The following EDEM3 variants were observed in gnomAD, a reference collection of about 807,000 sequenced individuals.
EDEM3 encodes the protein ER degradation-enhancing alpha-mannosidase-like protein 3.
Under a neutral mutation model 110.2 loss-of-function variants are expected in EDEM3, and 60 were observed. That is an observed-to-expected ratio of 0.54 (90% CI 0.44 to 0.67). The LOEUF is 0.67. EDEM3 is among the 30% of genes least tolerant of loss of function. The probability of loss-of-function intolerance (pLI) is 0.00; values close to 1 mark genes in which losing one functional copy is unlikely to be tolerated. For missense variants in EDEM3, 996 were observed against 1,121.0 expected, an observed-to-expected ratio of 0.89 and a Z score of 1.59; for synonymous variants, 352 against 382.9, an observed-to-expected ratio of 0.92 and a Z score of 0.94.
intron 2 of EDEM3, among the ~76,000 whole-genome samples, chr1:184,744,564 G>A (rs1168469042): frequency 6.6e-6 from 1 of 151,726 alleles, no homozygotes; most frequent in Non-Finnish European, 1.5e-5. Flanking sequence ...ATTCCTAGGT[G>A]GGAAATATAT....
chr1:184,698,907 T>C (rs1238281215), intron 19 of EDEM3, among the ~76,000 whole-genome samples: 2 of 151,726 alleles, frequency 1.3e-5, no homozygotes, highest in Non-Finnish European at 3.0e-5. Flanking sequence ...ATCAGGAAAG[T>C]AAAAATGGCA....
chr1:184,712,789 A>C (rs1650327086), intron 13 of EDEM3, among the ~76,000 whole-genome samples, 191 bp from the exon 14 acceptor site: 1 of 152,314 alleles, frequency 6.6e-6, no homozygotes, highest in South Asian at 2.1e-4. Flanking sequence ...AATGAAAAAG[A>C]CCAGAGGAGT....
Position 184,693,875 on chromosome 1 carries a change from T to G in EDEM3, c.*188A>C. 1.6e-6 allele frequency: 1 copy of G among 607,290 alleles called. No individual in the cohort carries two copies. Among genetic ancestry groups the G allele is most frequent in the Non-Finnish European group, 2.7e-6 (1 of 364,478 alleles). The allele number at this position is 607,290 out of a possible 1,614,324, so 37.6% of individuals were successfully genotyped here. A position where few individuals can be genotyped will look rare whatever the true frequency, so the allele number is the denominator to read the frequency against. On this transcript the variant is annotated 3_prime_UTR_variant, in exon 20 of 20. Transcript: ENST00000318130. ...GGATTTCCATTTTTGATGGGACAGT[T>G]TTAAACAAGGTCAATTCTAACACAG...
chr1:184,734,860 C>T lies in EDEM3; in HGVS notation c.346-217G>A, dbSNP rs115623283. 2.9e-3 allele frequency among the ~76,000 whole-genome samples: 436 copies of T among 152,104 alleles called. 5 individuals carry two copies. The East Asian group carries it at 0.036, about 12-fold the overall frequency. On this transcript the variant is annotated intron_variant, in intron 4 of 19. Transcript: ENST00000318130. The stretch of plus-strand genomic sequence containing the variant: ...TCTTTATACACTTCTTTGCATACAC[C>T]GAAATATTATGAGGACTTTGAAGCT...
chr1:184,697,410 G>C (rs1649389028), intron 19 of EDEM3, among the ~76,000 whole-genome samples: 1 of 151,832 alleles, frequency 6.6e-6, no homozygotes, highest in Non-Finnish European at 1.5e-5. Flanking sequence ...ATATGTCAAA[G>C]AGAAGCCAAG....
At chr1:184,734,074 C>T (rs1462972746) in intron 5 of EDEM3, among the ~76,000 whole-genome samples, 1 of 152,226 alleles carries the variant, frequency 6.6e-6, no homozygotes, top group East Asian at 1.9e-4. Flanking sequence ...ATGCCACAGA[C>T]TCTGTGTTTC....
At chr1:184,753,747 C>T (rs571464189) in intron 1 of EDEM3, among the ~76,000 whole-genome samples, 19 of 152,304 alleles carry the variant, frequency 1.2e-4, no homozygotes, top group Admixed American at 3.3e-4. Context: ...TTATTTACCA[C>T]TTCCATTTCC....
At position 184,739,193 on chromosome 1, in the gene EDEM3, C is replaced by T. The variant is rs1380983327; in HGVS notation, c.205-1482G>A. Among the ~76,000 whole-genome samples the T allele has an allele frequency of 1.5e-4, 23 of 150,502 alleles. 1 individual carries two copies. The South Asian group carries it at 4.6e-3, about 30-fold the overall frequency. On this transcript the variant is annotated intron_variant, in intron 2 of 19. Coordinates refer to ENST00000318130, the MANE Select transcript of EDEM3 (RefSeq NM_025191.4). ...ATTCTACAGATCTATTTGCCTATTC[C>T]TACTCCAAAACCATTATTTTAATTA...
chr1:184,716,639 A>C (rs939486935), intron 13 of EDEM3, among the ~76,000 whole-genome samples: 1 of 152,194 alleles, frequency 6.6e-6, no homozygotes, highest in African/African-American at 2.4e-5. Context: ...CTGATATTTA[A>C]CAATCATCGA....
chr1:184,706,811 G>A lies in EDEM3; in HGVS notation c.2038-3C>T. On this transcript the variant is annotated splice_polypyrimidine_tract_variant and splice_region_variant and intron_variant, in intron 17 of 19. Coordinates refer to ENST00000318130, the MANE Select transcript of EDEM3 (RefSeq NM_025191.4). ...CTGCTTGCAACAAATCCTCTTGTCT[G>A]TCAGAAATAAAAGCAACTTAAATAC... The A allele has an allele frequency of 1.2e-6, 2 of 1,612,062 alleles. No individual in the cohort carries two copies. Among genetic ancestry groups the A allele is most frequent in the Non-Finnish European group, 1.7e-6 (2 of 1,179,004 alleles).
chr1:184,734,195 G>A (rs1030235031), intron 5 of EDEM3, among the ~76,000 whole-genome samples: 2 of 145,426 alleles, frequency 1.4e-5, no homozygotes, highest in South Asian at 2.4e-4. Flanking sequence ...TAGACTGGGC[G>A]TGGTGGCTCA....
intron 2 of EDEM3, 147 bp from the exon 3 acceptor site, chr1:184,737,858 T>C: frequency 1.5e-6 from 1 of 678,324 alleles, no homozygotes; most frequent in East Asian, 2.9e-5. Flanking sequence ...TCAAAAATCT[T>C]TAATTACAAA....
chr1:184,754,679 C>T lies in EDEM3; in HGVS notation c.-33G>A. On this transcript the variant is annotated 5_prime_UTR_variant, in exon 1 of 20. Coordinates refer to ENST00000318130, the MANE Select transcript of EDEM3 (RefSeq NM_025191.4). ...CGGTTCCGCGCACGCGCAGCTGCTACGCCCGGCCGGTGAGACACATTGCTG... is the reference window on the plus strand; with the variant it reads ...CGGTTCCGCGCACGCGCAGCTGCTATGCCCGGCCGGTGAGACACATTGCTG... 1 of 1,507,796 alleles carries T rather than the reference C, an allele frequency of 6.6e-7. No homozygotes were observed. Among genetic ancestry groups the T allele is most frequent in the Non-Finnish European group, 8.8e-7 (1 of 1,130,202 alleles). 93.4% of individuals were successfully genotyped at this position (1,507,796 alleles called of 1,614,324 possible).
At chr1:184,707,976 C>T (rs1030304140) in intron 17 of EDEM3, among the ~76,000 whole-genome samples, 177 bp downstream of exon 17, 1 of 152,098 alleles carries the variant, frequency 6.6e-6, no homozygotes, top group Non-Finnish European at 1.5e-5. Context: ...ATATTATATA[C>T]ATAAATTATG....
At chr1:184,753,661 G>A (rs1045228790) in intron 1 of EDEM3, among the ~76,000 whole-genome samples, 6 of 151,936 alleles carry the variant, frequency 3.9e-5, no homozygotes, top group Non-Finnish European at 7.4e-5. Flanking sequence ...TTACTAATCT[G>A]ATGGGCAAAA....
rs765123596 is a variant in EDEM3 at position 184,694,307 on chromosome 1, A to G, written c.2555T>C (p.Met852Thr). The G allele has an allele frequency of 5.6e-6, 9 of 1,613,172 alleles. No individual in the cohort carries two copies. The highest frequency in any genetic ancestry group is 5.0e-5 in the Admixed American group (3 of 59,854). ...AGGGGAAATGCTTGCAGCATTGTCCATATCTGCTAGAGATAATGATTCTGG... is the reference window on the plus strand; with the variant it reads ...AGGGGAAATGCTTGCAGCATTGTCCGTATCTGCTAGAGATAATGATTCTGG... The part of the protein sequence containing the change: ...SHPESLSLAD[M>T]DNAASISPSE... Residue 852 changes from methionine to threonine, a missense_variant, in exon 20 of 20, where the codon ATG becomes ACG. Met to Thr is a moderately conservative substitution (Grantham distance 81). This residue lies in a region of EDEM3 where 345 missense variants were observed against 402.0 expected (regional missense o/e 0.86). Coordinates refer to ENST00000318130, the MANE Select transcript of EDEM3 (RefSeq NM_025191.4).
chr1:184,727,915 T>C (rs916263110), intron 6 of EDEM3, among the ~76,000 whole-genome samples: 3 of 152,224 alleles, frequency 2.0e-5, no homozygotes, highest in Admixed American at 1.3e-4. Context: ...AAATTGAAAA[T>C]TGATACTAAG....
chr1:184,694,304 T>C lies in EDEM3; in HGVS notation c.2558A>G (p.Asp853Gly). 6.2e-7 allele frequency: 1 copy of C among 1,613,306 alleles called. No individual in the cohort carries two copies. ...HPESLSLADM[D>G]NAASISPSEQ... ...AGAAGGGGAAATGCTTGCAGCATTG[T>C]CCATATCTGCTAGAGATAATGATTC... Residue 853 changes from aspartate (D) to glycine (G), a missense_variant, in exon 20 of 20, where the codon GAC becomes GGC. Transcript: ENST00000318130.
chr1:184,754,595 G>T lies in EDEM3; in HGVS notation c.52C>A (p.Arg18=). The T allele has an allele frequency of 6.2e-7, 1 of 1,610,708 alleles. No individual in the cohort carries two copies. The highest frequency in any genetic ancestry group is 1.7e-4 in the Middle Eastern group (1 of 6,048). Residue 18 remains arginine, a synonymous_variant, in exon 1 of 20, where the codon CGA becomes AGA. Transcript: ENST00000318130. ...GCCGTCGCCGCCACTAGTCTCCATC[G>T]CGCTCGCTGGGGAACCGGGGACCCA... ...GCGSPVPQRA[R]WRLVAATAAF... is the part of the protein sequence containing the mutation.
Sources: gnomAD v4.1 joint callset for allele counts (sites outside exome capture counted in the v4.1 genomes callset) on GRCh38, gnomAD v4.1.1 for gene constraint, gnomAD v4.1.1 regional missense constraint, MANE v1.5 for transcripts, NCBI Gene and HGNC (gene_info 2026-07-23, HGNC 2026-07-21) for gene names.